PTPRD: variants seen among roughly 807,000 people sequenced by gnomAD.
PTPRD encodes the protein receptor-type tyrosine-protein phosphatase delta.
Under a neutral mutation model 214.5 loss-of-function variants are expected in PTPRD, and 34 were observed. The ratio of observed to expected loss-of-function variants is 0.16; its 90% CI spans 0.12 to 0.21. PTPRD has a LOEUF of 0.21. PTPRD is among the 10% of genes least tolerant of loss of function. PTPRD has a pLI of 1.00. For synonymous variants in PTPRD, 1,128 were observed against 845.7 expected (o/e 1.33, Z -5.79); for missense variants, 2,545 against 2,398.7 (o/e 1.06, Z -1.27).
At chr9:8,946,033 A>G (rs1382233736) in intron 11 of PTPRD, among the ~76,000 whole-genome samples, 2 of 152,188 alleles carry the variant, frequency 1.3e-5, no homozygotes, top group Non-Finnish European at 2.9e-5. Context: ...TAGAAAGAGC[A>G]TGAGATATTG....
At chr9:9,971,914 G>A (rs1164110761) in intron 4 of PTPRD, among the ~76,000 whole-genome samples, 2 of 151,834 alleles carry the variant, frequency 1.3e-5, no homozygotes, top group Non-Finnish European at 2.9e-5. Flanking sequence ...ACTCTCTTTG[G>A]AAACATTGCT....
intron 2 of PTPRD, among the ~76,000 whole-genome samples, chr9:10,513,854 C>G (rs576693513): frequency 6.6e-6 from 1 of 152,206 alleles, no homozygotes; most frequent in South Asian, 2.1e-4. Flanking sequence ...TCAGCATAAC[C>G]TAGGCCTCCT....
intron 5 of PTPRD, among the ~76,000 whole-genome samples, chr9:9,920,028 C>A (rs2082114770): frequency 6.6e-6 from 1 of 151,946 alleles, no homozygotes; most frequent in South Asian, 2.1e-4. Flanking sequence ...CTTGAGGTTA[C>A]AATAAACGGG....
chr9:10,154,144 G>T (rs1254984147), intron 3 of PTPRD, among the ~76,000 whole-genome samples: 1 of 152,048 alleles, frequency 6.6e-6, no homozygotes, highest in African/African-American at 2.4e-5. Flanking sequence ...GTAATTTTTT[G>T]ACTTTTTAAC....
chr9:9,786,607 T>C (rs1273147216), intron 5 of PTPRD, among the ~76,000 whole-genome samples: 1 of 152,124 alleles, frequency 6.6e-6, no homozygotes, highest in African/African-American at 2.4e-5. Context: ...TTAAAATCAC[T>C]TGCAGGTGGC....
chr9:8,630,493 A>G (rs2096218541), intron 14 of PTPRD, among the ~76,000 whole-genome samples: 4 of 151,910 alleles, frequency 2.6e-5, no homozygotes, highest in Admixed American at 2.6e-4. Flanking sequence ...TATTTATTTT[A>G]TCCTAAAAGG....
intron 9 of PTPRD, among the ~76,000 whole-genome samples, chr9:9,255,684 C>CA (rs1235783676): frequency 1.3e-5 from 2 of 152,064 alleles, no homozygotes; most frequent in African/African-American, 2.4e-5. Flanking sequence ...CAAAATACTG[C>CA]AAAAAAGTTT....
intron 5 of PTPRD, among the ~76,000 whole-genome samples, chr9:9,873,427 AG>A (rs1190793131): frequency 6.6e-6 from 1 of 152,116 alleles, no homozygotes; most frequent in East Asian, 1.9e-4. Flanking sequence ...ATAATTATCC[AG>A]AAACTCATAA....
At chr9:8,982,883 T>A (rs964025154) in intron 11 of PTPRD, among the ~76,000 whole-genome samples, 2 of 152,042 alleles carry the variant, frequency 1.3e-5, no homozygotes, top group African/African-American at 4.8e-5. Flanking sequence ...GCAAACATTA[T>A]GTTTTTGGCT....
At chr9:8,533,162 A>T (rs561542881) in intron 14 of PTPRD, among the ~76,000 whole-genome samples, 1 of 152,196 alleles carries the variant, frequency 6.6e-6, no homozygotes, top group Non-Finnish European at 1.5e-5. Flanking sequence ...CCACTTTCAC[A>T]AACACTGAAT....
intron 8 of PTPRD, among the ~76,000 whole-genome samples, chr9:9,449,316 C>G (rs2091443425): frequency 6.6e-6 from 1 of 152,052 alleles, no homozygotes; most frequent in African/African-American, 2.4e-5. Flanking sequence ...AAGATTATCT[C>G]AAACATTATT....
At chr9:8,517,807 C>G (rs1442012893) in intron 21 of PTPRD, 41 bp downstream of exon 21, 1 of 1,536,860 alleles carries the variant, frequency 6.5e-7, no homozygotes, top group East Asian at 2.3e-5. Context: ...TTTGCACCAG[C>G]CCTTCCCTCC....
intron 3 of PTPRD, among the ~76,000 whole-genome samples, chr9:10,279,533 T>C (rs1485997244): frequency 1.3e-5 from 2 of 152,170 alleles, no homozygotes; most frequent in African/African-American, 2.4e-5. Flanking sequence ...ATTTCACTGA[T>C]AAAACTTTCG....
intron 2 of PTPRD, among the ~76,000 whole-genome samples, chr9:10,392,412 C>G (rs1425884419): frequency 6.6e-6 from 1 of 151,748 alleles, no homozygotes; most frequent in Non-Finnish European, 1.5e-5. Flanking sequence ...GGAGTCAGCC[C>G]CATTCTGAAG....
intron 11 of PTPRD, among the ~76,000 whole-genome samples, chr9:8,845,536 G>A (rs1319340536): frequency 6.6e-6 from 1 of 152,208 alleles, no homozygotes; most frequent in East Asian, 1.9e-4. Flanking sequence ...AGACAGCCTG[G>A]CTGTGCCTTA....
intron 5 of PTPRD, among the ~76,000 whole-genome samples, chr9:9,803,143 A>T (rs571736303): frequency 2.1e-3 from 317 of 152,020 alleles, no homozygotes; most frequent in African/African-American, 7.3e-3. Flanking sequence ...ACGCAAATAG[A>T]AAAAGATACG....
At chr9:9,719,061 G>C (rs1264278776) in intron 7 of PTPRD, among the ~76,000 whole-genome samples, 1 of 152,140 alleles carries the variant, frequency 6.6e-6, no homozygotes, top group South Asian at 2.1e-4. Context: ...GATGTCTTAT[G>C]GCCAGTTGAA....
chr9:9,447,005 C>T (rs927772494), intron 8 of PTPRD, among the ~76,000 whole-genome samples: 2 of 151,924 alleles, frequency 1.3e-5, no homozygotes, highest in African/African-American at 4.8e-5. Context: ...TATAAAATGT[C>T]AATAATATAA....
chr9:10,544,706 C>G (rs902348306), intron 2 of PTPRD, among the ~76,000 whole-genome samples: 1 of 152,132 alleles, frequency 6.6e-6, no homozygotes, highest in Non-Finnish European at 1.5e-5. Context: ...ACAACATCCT[C>G]TTTTTGAAAA....
Sources: gnomAD v4.1 joint callset for allele counts (sites outside exome capture counted in the v4.1 genomes callset) on GRCh38, gnomAD v4.1.1 for gene constraint, MANE v1.5 for transcripts, NCBI Gene and HGNC (gene_info 2026-07-23, HGNC 2026-07-21) for gene names.